KCNMB2: variants seen among roughly 807,000 people sequenced by gnomAD.
The protein encoded by KCNMB2 is potassium calcium-activated channel subfamily M regulatory beta subunit 2, also known as calcium-activated potassium channel subunit beta-2.
A neutral mutation model predicts 24.5 loss-of-function variants in KCNMB2; 9 were observed. The observed-to-expected ratio is 0.37, with a 90% confidence interval of 0.22 to 0.64. The LOEUF (loss-of-function observed/expected upper bound fraction) is 0.64. Among genes scored for constraint, KCNMB2 ranks in the 30% least tolerant of loss-of-function variants. The probability of loss-of-function intolerance (pLI) is 0.63; values close to 1 mark genes in which losing one functional copy is unlikely to be tolerated. For missense variants in KCNMB2, 226 were observed against 284.3 expected, an observed-to-expected ratio of 0.79 and a Z score of 1.47; for synonymous variants, 109 against 104.4, an observed-to-expected ratio of 1.04 and a Z score of -0.27.
chr3:178,674,818 G>A (rs1721019182), intron 1 of KCNMB2, among the ~76,000 whole-genome samples: 1 of 152,036 alleles, frequency 6.6e-6, no homozygotes, highest in African/African-American at 2.4e-5. Flanking sequence ...CCCTTGCTTG[G>A]CCCAGTTCAG....
intron 1 of KCNMB2, among the ~76,000 whole-genome samples, chr3:178,759,758 A>C (rs1486162508): frequency 1.8e-5 from 1 of 55,934 alleles, no homozygotes; most frequent in African/African-American, 9.2e-5. Flanking sequence ...ATATATCTAT[A>C]TATATATATC....
At position 178,804,102 on chromosome 3, in the gene KCNMB2, C is replaced by T. The variant is rs577665809; in HGVS notation, c.-67-3241C>T. 9.2e-5 allele frequency among the ~76,000 whole-genome samples: 14 copies of T among 152,312 alleles called. No homozygotes were observed. The South Asian group carries it at 1.7e-3, about 18-fold the overall frequency. On this transcript the variant is annotated intron_variant, in intron 1 of 4. Transcript: ENST00000452583. ...ACAGCTCTGTTCAGCCACTATACAA[C>T]GCAGATCTCTGTTTTACGTGAGGAT...
chr3:178,760,600 C>G (rs1226917672), intron 1 of KCNMB2, among the ~76,000 whole-genome samples: 1 of 149,938 alleles, frequency 6.7e-6, no homozygotes, highest in Non-Finnish European at 1.5e-5. Context: ...GGTTTCACTT[C>G]TCTTTGTACC....
At chr3:178,818,936 T>C (rs11721205) in intron 2 of KCNMB2, among the ~76,000 whole-genome samples, 39,726 of 151,980 alleles carry the variant, frequency 0.26, 7,000 homozygotes, top group African/African-American at 0.51. Flanking sequence ...ATACTCTTCC[T>C]TTCTCAATCA....
intron 1 of KCNMB2, among the ~76,000 whole-genome samples, chr3:178,764,793 A>G (rs1712048707): frequency 6.6e-6 from 1 of 152,232 alleles, no homozygotes; most frequent in Admixed American, 6.5e-5. Flanking sequence ...ATGCATATAT[A>G]GCAACTAAAC....
At chr3:178,579,930 C>T (rs1044056697) in intron 1 of KCNMB2, among the ~76,000 whole-genome samples, 15 of 152,124 alleles carry the variant, frequency 9.9e-5, no homozygotes, top group Admixed American at 9.2e-4. Flanking sequence ...CAGCCGAATT[C>T]TATCAGAGGT....
chr3:178,773,742 T>C (rs1452012005), intron 1 of KCNMB2, among the ~76,000 whole-genome samples: 1 of 152,164 alleles, frequency 6.6e-6, no homozygotes, highest in Non-Finnish European at 1.5e-5. Context: ...CTGTGTGAGG[T>C]AAGGAGCTCT....
chr3:178,798,474 CA>C (rs1416565270), intron 1 of KCNMB2, among the ~76,000 whole-genome samples: 2 of 152,036 alleles, frequency 1.3e-5, no homozygotes, highest in African/African-American at 4.8e-5. Flanking sequence ...GGAATCAACC[CA>C]AATGCCCATC....
chr3:178,826,483 A>T (rs1418291534), intron 3 of KCNMB2, among the ~76,000 whole-genome samples: 1 of 152,192 alleles, frequency 6.6e-6, no homozygotes, highest in African/African-American at 2.4e-5. Flanking sequence ...ATAGGGAGGC[A>T]AATAAATTGT....
intron 1 of KCNMB2, among the ~76,000 whole-genome samples, chr3:178,771,064 A>G (rs111665622): frequency 6.6e-6 from 1 of 152,202 alleles, no homozygotes. Context: ...TTAAATTATA[A>G]TTATCTGGTT....
chr3:178,754,163 T>TATAG (rs1553773730), intron 1 of KCNMB2, among the ~76,000 whole-genome samples: 1,770 of 102,328 alleles, frequency 0.017, 46 homozygotes, highest in African/African-American at 0.089. Context: ...TATATATATA[T>TATAG]ATATATATAT....
intron 1 of KCNMB2, among the ~76,000 whole-genome samples, chr3:178,802,834 T>C (rs550868195): frequency 2.9e-4 from 42 of 147,070 alleles, no homozygotes; most frequent in Admixed American, 1.7e-3. Flanking sequence ...TCACCCTATG[T>C]CTCAGAAAAC....
intron 2 of KCNMB2, among the ~76,000 whole-genome samples, chr3:178,817,050 A>G (rs763840231): frequency 4.6e-5 from 7 of 152,040 alleles, no homozygotes; most frequent in Non-Finnish European, 1.0e-4. Flanking sequence ...AGGCAGGACT[A>G]AAAAGAATAA....
intron 1 of KCNMB2, among the ~76,000 whole-genome samples, chr3:178,642,784 G>T (rs565285510): frequency 1.3e-5 from 2 of 152,354 alleles, no homozygotes; most frequent in East Asian, 3.9e-4. Context: ...TGCAAATGCA[G>T]TTGTTGTATC....
At chr3:178,809,120 A>T (rs1042343849) in intron 2 of KCNMB2, among the ~76,000 whole-genome samples, 4 of 152,200 alleles carry the variant, frequency 2.6e-5, no homozygotes, top group African/African-American at 9.7e-5. Context: ...AACACTATAA[A>T]ATTTCATATG....
intron 1 of KCNMB2, among the ~76,000 whole-genome samples, chr3:178,564,109 C>T (rs1315897556): frequency 6.6e-6 from 1 of 151,790 alleles, no homozygotes; most frequent in Non-Finnish European, 1.5e-5. Flanking sequence ...GAAAGCCCAT[C>T]TCTACTAAAA....
chr3:178,663,144 T>C (rs764414265), intron 1 of KCNMB2, among the ~76,000 whole-genome samples: 1 of 152,052 alleles, frequency 6.6e-6, no homozygotes, highest in Admixed American at 6.6e-5. Context: ...CTAGGTTTCT[T>C]CACTTGTTGC....
At chr3:178,741,253 C>T (rs1304338926) in intron 1 of KCNMB2, among the ~76,000 whole-genome samples, 1 of 152,182 alleles carries the variant, frequency 6.6e-6, no homozygotes. Context: ...TCACTTCATT[C>T]TCCCACCTAT....
At position 178,545,720 on chromosome 3, in the gene KCNMB2, G is replaced by A. The variant is rs116773221; in HGVS notation, c.-68+9009G>A. ...AAATTGAACTAAAACTCCTACAGAG[G>A]GATTCTATTTCTGTAGAAATTCTGG... On this transcript the variant is annotated intron_variant, in intron 1 of 4. Transcript: ENST00000452583. Among the ~76,000 whole-genome samples, 499 of 152,176 alleles carry A rather than the reference G, an allele frequency of 3.3e-3. 3 individuals carry two copies. The highest frequency in any genetic ancestry group is 0.011 in the African/African-American group (472 of 41,524).
Sources: gnomAD v4.1 joint callset for allele counts (sites outside exome capture counted in the v4.1 genomes callset) on GRCh38, gnomAD v4.1.1 for gene constraint, MANE v1.5 for transcripts, NCBI Gene and HGNC (gene_info 2026-07-23, HGNC 2026-07-21) for gene names.